KIF26B: variants seen among roughly 807,000 people sequenced by gnomAD.
KIF26B encodes the protein kinesin-like protein KIF26B.
KIF26B carries 63 observed loss-of-function variants against 151.2 expected under a neutral mutation model. The ratio of observed to expected loss-of-function variants is 0.42; its 90% CI spans 0.34 to 0.51. The LOEUF (loss-of-function observed/expected upper bound fraction) is 0.51. Among genes scored for constraint, KIF26B ranks in the 20% least tolerant of loss-of-function variants. KIF26B has a pLI of 0.07. For missense variants in KIF26B, 2,813 were observed against 2,913.6 expected, an observed-to-expected ratio of 0.97 and a Z score of 0.79; for synonymous variants, 1,357 against 1,262.1, an observed-to-expected ratio of 1.08 and a Z score of -1.59.
chr1:245,492,228 C>A (rs954676510), intron 4 of KIF26B, among the ~76,000 whole-genome samples: 1 of 152,228 alleles, frequency 6.6e-6, no homozygotes, highest in African/African-American at 2.4e-5. Context: ...TTTCCCAAAA[C>A]ACAATTTAAA....
At chr1:245,317,542 A>G (rs1000247051) in intron 2 of KIF26B, among the ~76,000 whole-genome samples, 6 of 152,242 alleles carry the variant, frequency 3.9e-5, no homozygotes, top group Admixed American at 1.3e-4. Context: ...ATTTGGAATG[A>G]GGAGGCAAAC....
rs1255458958 is a variant in KIF26B at position 245,686,347 on chromosome 1, C to T, written c.3364C>T (p.Pro1122Ser). 6.2e-7 allele frequency: 1 copy of T among 1,613,312 alleles called. No individual in the cohort carries two copies. The highest frequency in any genetic ancestry group is 1.1e-5 in the South Asian group (1 of 91,068). The change falls in exon 12 of 15, where the codon CCC (proline) becomes TCC (serine). Residue 1122 changes from proline (P) to serine (S), a missense_variant. Physicochemically the swap from Pro to Ser is moderately conservative, Grantham distance 74. Coordinates refer to ENST00000407071, the MANE Select transcript of KIF26B (RefSeq NM_018012.4). This position sits in a 1 kb window ranked among gnomAD's most constrained non-coding sequence, Gnocchi z 5.6. Reference protein sequence around the residue: ...GVASRESLLQPEVRTPPVGMS... With the variant: ...GVASRESLLQSEVRTPPVGMS... ...GGCGTCTAGGGAGTCCTTGCTGCAG[C>T]CCGAGGTGCGTACGCCCCCGGTTGG...
chr1:245,175,965 T>A (rs1172968958), intron 2 of KIF26B, among the ~76,000 whole-genome samples: 1 of 145,854 alleles, frequency 6.9e-6, no homozygotes, highest in African/African-American at 2.6e-5. Context: ...TATATCTATA[T>A]ATATAGACAT....
At chr1:245,417,174 T>C (rs1674440961) in intron 3 of KIF26B, among the ~76,000 whole-genome samples, 1 of 152,190 alleles carries the variant, frequency 6.6e-6, no homozygotes. Flanking sequence ...ATATTTGTTT[T>C]TTTTTAGAAA....
intron 2 of KIF26B, among the ~76,000 whole-genome samples, chr1:245,186,638 G>C (rs1368294268): frequency 2.0e-5 from 3 of 152,140 alleles, no homozygotes; most frequent in African/African-American, 7.2e-5. Flanking sequence ...ACTTAGCCAG[G>C]CAGTAAGTTA....
intron 2 of KIF26B, among the ~76,000 whole-genome samples, chr1:245,336,669 C>A (rs1239513702): frequency 6.6e-6 from 1 of 152,306 alleles, no homozygotes; most frequent in South Asian, 2.1e-4. Context: ...TCATTTCCTG[C>A]TTTTTCCTAT....
chr1:245,680,988 C>G (rs2044428557), intron 10 of KIF26B, among the ~76,000 whole-genome samples: 1 of 152,002 alleles, frequency 6.6e-6, no homozygotes. Flanking sequence ...GTGCTGATGT[C>G]CTATTTAGGG....
At position 245,592,863 on chromosome 1, in the gene KIF26B, G is replaced by C. The variant is rs556144357; in HGVS notation, c.1351-9714G>C. Among the ~76,000 whole-genome samples the C allele has an allele frequency of 1.6e-3, 242 of 152,302 alleles. 1 individual carries two copies. Among genetic ancestry groups the C allele is most frequent in the Non-Finnish European group, 2.8e-3 (191 of 68,034 alleles). On this transcript the variant is annotated intron_variant, in intron 5 of 14. Coordinates refer to ENST00000407071, the MANE Select transcript of KIF26B (RefSeq NM_018012.4). ...GGGGTCCTTTCAGGCATGGGTCTGT[G>C]GTTCTGTAATGGTAACTATGGGTTG...
chr1:245,167,882 C>T lies in KIF26B; in HGVS notation c.465+11199C>T, dbSNP rs192947755. Among the ~76,000 whole-genome samples, 8 of 151,656 alleles carry T rather than the reference C, an allele frequency of 5.3e-5. No homozygotes were observed. The highest frequency in any genetic ancestry group is 5.3e-4 in the Admixed American group (8 of 15,234). On this transcript the variant is annotated intron_variant, in intron 2 of 14. Coordinates refer to ENST00000407071, the MANE Select transcript of KIF26B (RefSeq NM_018012.4). This position sits in a 1 kb window ranked among gnomAD's most constrained non-coding sequence, Gnocchi z 4.2. ...GAATAAGAGGGGAGGAGGAGGAGGA[C>T]GGATGAGAGAGAGGGCGAGGAAACA...
At chr1:245,409,479 A>T (rs533259655) in intron 3 of KIF26B, among the ~76,000 whole-genome samples, 2 of 152,326 alleles carry the variant, frequency 1.3e-5, no homozygotes, top group East Asian at 3.9e-4. Context: ...GAGTCTCATC[A>T]TGCAAGGCAG....
At chr1:245,233,508 G>C (rs567946845) in intron 2 of KIF26B, among the ~76,000 whole-genome samples, 1 of 152,224 alleles carries the variant, frequency 6.6e-6, no homozygotes, top group South Asian at 2.1e-4. Flanking sequence ...CAGATCTCTT[G>C]AAACAGAATT....
At chr1:245,169,327 T>TGGTGTGTGGG (rs1553330288) in intron 2 of KIF26B, among the ~76,000 whole-genome samples, 118 of 135,468 alleles carry the variant, frequency 8.7e-4, no homozygotes, top group Admixed American at 1.8e-3. Flanking sequence ...TAACGGGCCA[T>TGGTGTGTGGG]GGTGTGTGTG....
chr1:245,258,422 G>C (rs1244964124), intron 2 of KIF26B, among the ~76,000 whole-genome samples: 5 of 152,176 alleles, frequency 3.3e-5, no homozygotes, highest in Non-Finnish European at 7.3e-5. Flanking sequence ...GCTCATTTCT[G>C]ACCTGCCTCT....
Position 245,585,918 on chromosome 1 carries a change from T to G in KIF26B, c.1351-16659T>G, listed in dbSNP as rs565223307. ...ACTCATTGAACACGTAGTCGACACATTTAAAAATGCTGTGCTGTGGAAGTG... is the reference window on the plus strand; with the variant it reads ...ACTCATTGAACACGTAGTCGACACAGTTAAAAATGCTGTGCTGTGGAAGTG... On this transcript the variant is annotated intron_variant, in intron 5 of 14. Transcript: ENST00000407071. 5.1e-4 allele frequency among the ~76,000 whole-genome samples: 77 copies of G among 152,236 alleles called. 2 individuals carry two copies. Among genetic ancestry groups the G allele is most frequent in the Non-Finnish European group, 8.8e-5 (6 of 68,030 alleles).
chr1:245,172,919 CGT>C (rs1195715723), intron 2 of KIF26B, among the ~76,000 whole-genome samples: 1 of 152,128 alleles, frequency 6.6e-6, no homozygotes, highest in Non-Finnish European at 1.5e-5. Context: ...GTGATGATAC[CGT>C]GTAATACATC....
intron 4 of KIF26B, among the ~76,000 whole-genome samples, chr1:245,452,402 ATG>A (rs1452186608): frequency 3.3e-5 from 5 of 152,064 alleles, no homozygotes. Context: ...GCTATGAACG[ATG>A]GTGTTCAAAT....
At chr1:245,348,785 C>T (rs1245827864) in intron 2 of KIF26B, among the ~76,000 whole-genome samples, 1 of 152,218 alleles carries the variant, frequency 6.6e-6, no homozygotes, top group African/African-American at 2.4e-5. Context: ...ACGCCGGCCT[C>T]TTGCTGTTCC....
intron 2 of KIF26B, among the ~76,000 whole-genome samples, chr1:245,361,007 A>T (rs1672806042): frequency 6.6e-6 from 1 of 152,208 alleles, no homozygotes; most frequent in Non-Finnish European, 1.5e-5. Flanking sequence ...AAAAATAAAT[A>T]AATAAAAGCA....
chr1:245,699,157 C>T (rs1183694183), intron 14 of KIF26B, 120 bp downstream of exon 14: 11 of 1,085,810 alleles, frequency 1.0e-5, no homozygotes, highest in Non-Finnish European at 1.2e-5. Flanking sequence ...CACAGGATGC[C>T]CATCAAATGG....
Sources: allele counts gnomAD v4.1 joint callset (sites outside exome capture counted in the v4.1 genomes callset), GRCh38; gene constraint gnomAD v4.1.1; non-coding constraint Gnocchi (gnomAD v3.1); transcripts MANE v1.5; gene names NCBI Gene and HGNC (gene_info 2026-07-23, HGNC 2026-07-21).